Variants in PKNOX2 observed in about 807,000 individuals in gnomAD.
The protein encoded by PKNOX2 is PBX/knotted 1 homeobox 2, also known as homeobox protein PKNOX2.
In PKNOX2, 14 loss-of-function variants were observed where a neutral mutation model predicts 53.1. That is an observed-to-expected ratio of 0.26 (90% CI 0.17 to 0.41). PKNOX2 has a LOEUF of 0.41. PKNOX2 is among the 10% of genes least tolerant of loss of function. The pLI is 1.00. For synonymous variants in PKNOX2, 257 were observed against 242.8 expected, an observed-to-expected ratio of 1.06 and a Z score of -0.54; for missense variants, 496 against 602.8, an observed-to-expected ratio of 0.82 and a Z score of 1.85.
chr11:125,305,653 G>A (rs926135668), intron 2 of PKNOX2, among the ~76,000 whole-genome samples: 1 of 152,162 alleles, frequency 6.6e-6, no homozygotes, highest in African/African-American at 2.4e-5. Context: ...CAGGTGTCTT[G>A]CATGGTCAGG....
At chr11:125,261,397 A>T (rs1443047993) in intron 2 of PKNOX2, among the ~76,000 whole-genome samples, 1 of 152,268 alleles carries the variant, frequency 6.6e-6, no homozygotes, top group Admixed American at 6.5e-5. Context: ...CTTTGCCTTA[A>T]GAAATGAGCT....
chr11:125,315,317 A>AAAAAAAAAAAAAAAAAACAAAAC (rs1949097900), intron 2 of PKNOX2, among the ~76,000 whole-genome samples: 1 of 151,442 alleles, frequency 6.6e-6, no homozygotes, highest in African/African-American at 2.4e-5. Flanking sequence ...AAAAAAAAAA[A>AAAAAAAAAAAAAAAAAACAAAAC]AAAAAAAAAA....
chr11:125,208,890 C>T (rs1052166104), intron 1 of PKNOX2, among the ~76,000 whole-genome samples: 1 of 151,880 alleles, frequency 6.6e-6, no homozygotes, highest in Admixed American at 6.6e-5. Flanking sequence ...TGAGAAATGG[C>T]CACTTCTTGG....
intron 7 of PKNOX2, among the ~76,000 whole-genome samples, chr11:125,403,789 C>T (rs894331581): frequency 2.0e-5 from 3 of 152,104 alleles, no homozygotes; most frequent in South Asian, 2.1e-4. Flanking sequence ...CCAATTGCTA[C>T]GAAGCAAGAA....
intron 10 of PKNOX2, among the ~76,000 whole-genome samples, chr11:125,423,476 T>C (rs1047277691): frequency 6.6e-6 from 1 of 152,206 alleles, no homozygotes; most frequent in Non-Finnish European, 1.5e-5. Flanking sequence ...CTTTCCCCAC[T>C]CACCTTTAAC....
chr11:125,357,762 A>T (rs1951696662), intron 4 of PKNOX2, among the ~76,000 whole-genome samples: 2 of 152,170 alleles, frequency 1.3e-5, no homozygotes, highest in African/African-American at 4.8e-5. Flanking sequence ...AGGAGGATGG[A>T]ATGACTCAAT....
intron 3 of PKNOX2, among the ~76,000 whole-genome samples, chr11:125,343,926 C>A (rs758138598): frequency 1.3e-5 from 2 of 151,806 alleles, no homozygotes; most frequent in Non-Finnish European, 2.9e-5. Context: ...TGAGTCAGAG[C>A]GGCATGGCTG....
chr11:125,403,370 A>G (rs1954871674), intron 7 of PKNOX2, among the ~76,000 whole-genome samples: 1 of 152,184 alleles, frequency 6.6e-6, no homozygotes, highest in African/African-American at 2.4e-5. Context: ...CTGGAGACAA[A>G]TCAATTGAGC....
chr11:125,419,829 G>A (rs1031035469), intron 10 of PKNOX2, among the ~76,000 whole-genome samples: 4 of 149,222 alleles, frequency 2.7e-5, no homozygotes, highest in Admixed American at 1.3e-4. Flanking sequence ...CTGAGAGTTC[G>A]AGACCAGCCT....
chr11:125,367,606 G>A (rs112283264), intron 4 of PKNOX2, among the ~76,000 whole-genome samples: 2,951 of 152,186 alleles, frequency 0.019, 100 homozygotes, highest in African/African-American at 0.067. Context: ...GAGTGTGCTG[G>A]GCATCTCCTG....
In PKNOX2 at chr11:125,346,818, G is replaced by T. The variant is rs531589679; in HGVS notation, c.-22-4466G>T. On this transcript the variant is annotated intron_variant, in intron 3 of 12. Transcript: ENST00000298282. ...GGGAGGAAGGAAAGGAGGATGGAAGGGGGGAAGGAAGGGAGGAAGGAGGGG... is the reference window on the plus strand; with the variant it reads ...GGGAGGAAGGAAAGGAGGATGGAAGTGGGGAAGGAAGGGAGGAAGGAGGGG... Among the ~76,000 whole-genome samples the T allele has an allele frequency of 2.0e-3, 270 of 135,024 alleles. 4 individuals are homozygous for T. The highest frequency in any genetic ancestry group is 4.2e-3 in the Admixed American group (60 of 14,180). The allele number at this position is 135,024 out of a possible 152,430, so 88.6% of individuals were successfully genotyped here. A position where few individuals can be genotyped will look rare whatever the true frequency, so the allele number is the denominator to read the frequency against.
chr11:125,224,405 C>T (rs898587737), intron 1 of PKNOX2, among the ~76,000 whole-genome samples: 8 of 152,204 alleles, frequency 5.3e-5, no homozygotes, highest in African/African-American at 1.9e-4. Flanking sequence ...CTCGGAGGAG[C>T]CATGCGCAGG....
chr11:125,275,906 G>T (rs1032838022), intron 2 of PKNOX2, among the ~76,000 whole-genome samples: 2 of 152,288 alleles, frequency 1.3e-5, no homozygotes, highest in African/African-American at 4.8e-5. Context: ...GTGTAAGAAG[G>T]TCCTTAAAGC....
At chr11:125,312,473 AC>A (rs1306440598) in intron 2 of PKNOX2, among the ~76,000 whole-genome samples, 1 of 152,148 alleles carries the variant, frequency 6.6e-6, no homozygotes, top group African/African-American at 2.4e-5. Context: ...GTGGGAAGTC[AC>A]CCTGCTGTGC....
At chr11:125,344,874 C>T (rs949223479) in intron 3 of PKNOX2, among the ~76,000 whole-genome samples, 6 of 152,122 alleles carry the variant, frequency 3.9e-5, no homozygotes, top group African/African-American at 7.2e-5. Context: ...TCTTAGCTGG[C>T]CTTCAGGACA....
chr11:125,379,040 CT>C (rs1314917802), intron 5 of PKNOX2, among the ~76,000 whole-genome samples: 4 of 144,328 alleles, frequency 2.8e-5, no homozygotes, highest in Non-Finnish European at 6.0e-5. Context: ...ATCCAACTAC[CT>C]TTTTTTTCTT....
chr11:125,410,822 T>C lies in PKNOX2; in HGVS notation c.762T>C (p.Gly254=). 1 of 1,614,046 alleles carries C rather than the reference T, an allele frequency of 6.2e-7. No individual in the cohort carries two copies. The highest frequency in any genetic ancestry group is 8.5e-7 in the Non-Finnish European group (1 of 1,179,984). ...YQPVTMVTSQ[G]QVVTQAIPQG... ...CGGTTACCATGGTAACCTCCCAGGG[T>C]CAGGTGGTCACCCAAGCAATCCCCC... Residue 254 remains glycine, a synonymous_variant, in exon 9 of 13, where the codon GGT becomes GGC. Coordinates refer to ENST00000298282, the MANE Select transcript of PKNOX2 (RefSeq NM_001382323.2).
rs1851143404 is a variant in PKNOX2 at position 125,166,802 on chromosome 11, C to T, written c.-201+2026C>T. ...CCGGGGGAGGAGGAAGCTTGGAGTGCCCTACTGTCATCTCTCCTGTCCGGA... is the reference window on the plus strand; with the variant it reads ...CCGGGGGAGGAGGAAGCTTGGAGTGTCCTACTGTCATCTCTCCTGTCCGGA... On this transcript the variant is annotated intron_variant, in intron 1 of 12. Transcript: ENST00000298282. This position sits in a 1 kb window ranked among gnomAD's most constrained non-coding sequence, Gnocchi z 4.0. Among the ~76,000 whole-genome samples, 1 of 152,104 alleles carries T rather than the reference C, an allele frequency of 6.6e-6. No individual in the cohort carries two copies. Among genetic ancestry groups the T allele is most frequent in the Non-Finnish European group, 1.5e-5 (1 of 68,012 alleles).
intron 2 of PKNOX2, among the ~76,000 whole-genome samples, chr11:125,326,674 T>G (rs1949835339): frequency 6.6e-6 from 1 of 152,192 alleles, no homozygotes; most frequent in Non-Finnish European, 1.5e-5. Flanking sequence ...TTCCCTGGGA[T>G]GACAGTTGAA....
Sources: allele counts gnomAD v4.1 joint callset (sites outside exome capture counted in the v4.1 genomes callset), GRCh38; gene constraint gnomAD v4.1.1; non-coding constraint Gnocchi (gnomAD v3.1); transcripts MANE v1.5; gene names NCBI Gene and HGNC (gene_info 2026-07-23, HGNC 2026-07-21).